MCTP2: variants seen among roughly 807,000 people sequenced by gnomAD.
MCTP2 encodes the protein multiple C2 and transmembrane domain containing 2.
Under a neutral mutation model 111.6 loss-of-function variants are expected in MCTP2, and 132 were observed. The ratio of observed to expected loss-of-function variants is 1.18; its 90% CI spans 1.03 to 1.37. MCTP2 has a LOEUF of 1.37. Among genes scored for constraint, MCTP2 ranks in the 40% most tolerant of loss-of-function variants. The pLI is 0.00. For missense variants in MCTP2, 1,183 were observed against 1,067.9 expected (o/e 1.11, Z -1.50); for synonymous variants, 395 against 387.7 (o/e 1.02, Z -0.22).
chr15:94,335,485 C>A (rs1269364088), intron 4 of MCTP2, among the ~76,000 whole-genome samples: 1 of 152,186 alleles, frequency 6.6e-6, no homozygotes, highest in Admixed American at 6.5e-5. Context: ...GACTTATAGT[C>A]AATGGCTGAT....
chr15:94,422,025 G>T (rs1043925486), intron 17 of MCTP2, among the ~76,000 whole-genome samples: 1 of 152,174 alleles, frequency 6.6e-6, no homozygotes, highest in Non-Finnish European at 1.5e-5. Flanking sequence ...AAGAGGTTAT[G>T]TACTATAGAC....
intron 4 of MCTP2, among the ~76,000 whole-genome samples, chr15:94,319,420 G>A (rs1487592531): frequency 6.6e-6 from 1 of 152,210 alleles, no homozygotes; most frequent in African/African-American, 2.4e-5. Flanking sequence ...AAAATTGAAT[G>A]AGCCTCAGAA....
chr15:94,463,515 C>A (rs1258543011), intron 20 of MCTP2, among the ~76,000 whole-genome samples: 1 of 151,880 alleles, frequency 6.6e-6, no homozygotes, highest in East Asian at 1.9e-4. Flanking sequence ...GGATTTTTTT[C>A]CTTAGATAAA....
intron 2 of MCTP2, 75 bp downstream of exon 2, chr15:94,298,805 C>CCGTCTCCCTCTCTCT: frequency 1.1e-6 from 1 of 891,554 alleles, no homozygotes; most frequent in Non-Finnish European, 1.6e-6. Context: ...TCCCTCTCTC[C>CCGTCTCCCTCTCTCT]CCATCTCCCT....
intron 20 of MCTP2, among the ~76,000 whole-genome samples, chr15:94,466,085 T>TTTCAAAATTCTACTTCA (rs1339588169): frequency 6.6e-6 from 1 of 152,206 alleles, no homozygotes; most frequent in East Asian, 1.9e-4. Context: ...GGTTTGCATT[T>TTTCAAAATTCTACTTCA]TTCAAAATTC....
At chr15:94,397,832 A>T (rs2081357435) in intron 14 of MCTP2, among the ~76,000 whole-genome samples, 1 of 152,204 alleles carries the variant, frequency 6.6e-6, no homozygotes, top group Non-Finnish European at 1.5e-5. Context: ...ATGCTATTGA[A>T]ATTTTTGATC....
At chr15:94,358,758 A>C (rs377549174) in intron 10 of MCTP2, 146 bp downstream of exon 10, 33 of 874,628 alleles carry the variant, frequency 3.8e-5, no homozygotes, top group East Asian at 2.7e-4. Context: ...GCCAGTCCTA[A>C]CTGGGGGAAA....
chr15:94,388,343 A>G (rs2152459559), intron 14 of MCTP2, among the ~76,000 whole-genome samples: 1 of 152,292 alleles, frequency 6.6e-6, no homozygotes, highest in African/African-American at 2.4e-5. Context: ...GTTTCAATCC[A>G]GATTCATTTC....
chr15:94,354,357 G>C (rs1473107950), intron 8 of MCTP2, among the ~76,000 whole-genome samples: 2 of 152,120 alleles, frequency 1.3e-5, no homozygotes, highest in Admixed American at 6.5e-5. Context: ...CACTTGTCAA[G>C]GGAAAGACCA....
intron 1 of MCTP2, among the ~76,000 whole-genome samples, chr15:94,243,577 G>GCA (rs2071308929): frequency 2.7e-5 from 4 of 149,014 alleles, no homozygotes; most frequent in African/African-American, 9.9e-5. Context: ...ACATACATAC[G>GCA]TATGCGTATA....
At chr15:94,450,566 A>G (rs1018924246) in intron 19 of MCTP2, among the ~76,000 whole-genome samples, 2 of 152,186 alleles carry the variant, frequency 1.3e-5, no homozygotes, top group Middle Eastern at 6.3e-3. Flanking sequence ...TAATGTTTAT[A>G]ATTCTTCAAG....
intron 19 of MCTP2, among the ~76,000 whole-genome samples, chr15:94,446,441 T>TG (rs1440617861): frequency 1.3e-5 from 2 of 152,184 alleles, no homozygotes; most frequent in Non-Finnish European, 2.9e-5. Flanking sequence ...TTTGTACGGA[T>TG]GGATTACAAT....
intron 19 of MCTP2, among the ~76,000 whole-genome samples, chr15:94,448,468 G>T (rs561916182): frequency 1.3e-5 from 2 of 152,158 alleles, no homozygotes; most frequent in Non-Finnish European, 2.9e-5. Context: ...TATAGATTGA[G>T]TATCCCTAAT....
intron 8 of MCTP2, chr15:94,355,916 T>C (rs1371693561): frequency 1.1e-5 from 12 of 1,137,704 alleles, no homozygotes; most frequent in Admixed American, 4.7e-5. Context: ...AAGTGTTGCA[T>C]ATACTCATCC....
chr15:94,312,812 G>A lies in MCTP2; in HGVS notation c.466-1470G>A, dbSNP rs76790723. ...GCAGAGGCAGTGGGCCAGAAAGCCC[G>A]TCCTTGTTTGCAGCTCCTCACCATT... On this transcript the variant is annotated intron_variant, in intron 2 of 22. Transcript: ENST00000357742. Among the ~76,000 whole-genome samples, 600 of 152,266 alleles carry A rather than the reference G, an allele frequency of 3.9e-3. 5 individuals carry two copies. Among genetic ancestry groups the A allele is most frequent in the African/African-American group, 0.014 (575 of 41,554 alleles).
chr15:94,367,567 A>G (rs754935284), intron 10 of MCTP2, 38 bp from the exon 11 acceptor site: 4 of 1,553,248 alleles, frequency 2.6e-6, no homozygotes, highest in East Asian at 2.3e-5. Flanking sequence ...CCTTGAATTA[A>G]TCACTTTTCT....
At chr15:94,430,256 C>T (rs2083099471) in intron 17 of MCTP2, among the ~76,000 whole-genome samples, 2 of 152,120 alleles carry the variant, frequency 1.3e-5, no homozygotes, top group African/African-American at 4.8e-5. Flanking sequence ...ACCTTACAGC[C>T]ATCAACCAGG....
intron 1 of MCTP2, among the ~76,000 whole-genome samples, chr15:94,273,026 G>A (rs578146997): frequency 6.6e-6 from 1 of 152,264 alleles, no homozygotes; most frequent in South Asian, 2.1e-4. Flanking sequence ...ACTGATCTCA[G>A]GCTATCCCTT....
chr15:94,372,285 C>T (rs1431313105), intron 12 of MCTP2, among the ~76,000 whole-genome samples: 1 of 152,154 alleles, frequency 6.6e-6, no homozygotes, highest in Non-Finnish European at 1.5e-5. Flanking sequence ...ATTAGCTAAA[C>T]ATGTGTTTAG....
Sources: allele counts gnomAD v4.1 joint callset (sites outside exome capture counted in the v4.1 genomes callset), GRCh38; gene constraint gnomAD v4.1.1; transcripts MANE v1.5; gene names NCBI Gene and HGNC (gene_info 2026-07-23, HGNC 2026-07-21).